ADAMTS17: variants seen among roughly 807,000 people sequenced by gnomAD.
The protein encoded by ADAMTS17 is ADAM metallopeptidase with thrombospondin type 1 motif 17.
ADAMTS17 carries 113 observed loss-of-function variants against 141.5 expected under a neutral mutation model. The observed-to-expected ratio is 0.80, with a 90% CI of 0.69 to 0.93. The LOEUF is 0.93. ADAMTS17 is among the 40% of genes least tolerant of loss of function. The probability of loss-of-function intolerance (pLI) is 0.00; values close to 1 mark genes in which losing one functional copy is unlikely to be tolerated. For synonymous variants in ADAMTS17, 768 were observed against 630.6 expected (o/e 1.22, Z -3.27); for missense variants, 1,659 against 1,517.9 (o/e 1.09, Z -1.54).
chr15:100,054,139 G>A lies in ADAMTS17; in HGVS notation c.2138-85C>T, dbSNP rs1017033484. 1.1e-5 allele frequency: 17 copies of A among 1,484,470 alleles called. No individual in the cohort carries two copies. In the Middle Eastern group the frequency reaches 5.3e-4, roughly 46 times the overall value. The allele number at this position is 1,484,470 out of a possible 1,614,324, so 92.0% of individuals were successfully genotyped here. A position where few individuals can be genotyped will look rare whatever the true frequency, so the allele number is the denominator to read the frequency against. On this transcript the variant is annotated intron_variant, in intron 15 of 21. Transcript: ENST00000268070. ...TCTTTAAACGGAATCTACAGCCCCT[G>A]AGTGGGGCAGAGGTCTCCCTTCCAC... is the stretch of plus-strand genomic sequence containing the variant.
At chr15:100,053,754 A>G in intron 16 of ADAMTS17, 143 bp downstream of exon 16, 2 of 1,195,876 alleles carry the variant, frequency 1.7e-6, no homozygotes, top group Non-Finnish European at 2.5e-6. Context: ...GAGAGGACTG[A>G]GCAGCAGGGG....
chr15:100,188,913 T>C (rs1435970307), intron 8 of ADAMTS17, among the ~76,000 whole-genome samples: 1 of 151,828 alleles, frequency 6.6e-6, no homozygotes, highest in East Asian at 1.9e-4. Flanking sequence ...AGAAACAAGA[T>C]GGAAAAAAAA....
chr15:100,128,546 T>C (rs1288925877), intron 12 of ADAMTS17: 2 of 151,980 alleles, frequency 1.3e-5, no homozygotes, highest in African/African-American at 4.8e-5. Flanking sequence ...TCCTCAATGA[T>C]AAAATACAGG....
intron 18 of ADAMTS17, among the ~76,000 whole-genome samples, chr15:100,042,624 G>T (rs1334548076): frequency 6.6e-6 from 1 of 152,094 alleles, no homozygotes; most frequent in Non-Finnish European, 1.5e-5. Context: ...TGTGCTTTGA[G>T]ACCAATATTA....
At chr15:100,104,957 C>A (rs2036325252) in intron 14 of ADAMTS17, among the ~76,000 whole-genome samples, 1 of 152,224 alleles carries the variant, frequency 6.6e-6, no homozygotes, top group Non-Finnish European at 1.5e-5. Context: ...TTAACTACGA[C>A]TAACAATTTG....
At chr15:100,093,296 AC>A (rs2035578002) in intron 15 of ADAMTS17, among the ~76,000 whole-genome samples, 1 of 152,102 alleles carries the variant, frequency 6.6e-6, no homozygotes, top group Non-Finnish European at 1.5e-5. Flanking sequence ...TGGTAAGAGG[AC>A]CCACAGGAGT....
chr15:100,233,657 G>T (rs527718128), intron 7 of ADAMTS17, among the ~76,000 whole-genome samples: 1 of 152,306 alleles, frequency 6.6e-6, no homozygotes, highest in African/African-American at 2.4e-5. Flanking sequence ...AACACGCAAT[G>T]TCCAGCAATA....
Position 100,223,817 on chromosome 15 carries a change from G to A in ADAMTS17, c.1076-24394C>T, listed in dbSNP as rs981700252. Among the ~76,000 whole-genome samples, 12 of 151,714 alleles carry A rather than the reference G, an allele frequency of 7.9e-5. 1 individual carries two copies. Among genetic ancestry groups the A allele is most frequent in the African/African-American group, 2.7e-4 (11 of 41,298 alleles). On this transcript the variant is annotated intron_variant, in intron 7 of 21. Transcript: ENST00000268070. Reference sequence around the variant, plus strand: ...TGGGTGTATATATATGTGTGTGTGTGTATATATGTGTGTATATATATGGAG... The same window carrying A: ...TGGGTGTATATATATGTGTGTGTGTATATATATGTGTGTATATATATGGAG...
At chr15:100,214,381 G>C (rs2041904978) in intron 7 of ADAMTS17, among the ~76,000 whole-genome samples, 1 of 152,174 alleles carries the variant, frequency 6.6e-6, no homozygotes, top group African/African-American at 2.4e-5. Flanking sequence ...GAATGAGCTT[G>C]TATTATAACA....
Position 100,071,476 on chromosome 15 carries a change from T to C in ADAMTS17, c.2138-17422A>G, listed in dbSNP as rs1052513567. 2.3e-4 allele frequency among the ~76,000 whole-genome samples: 35 copies of C among 150,094 alleles called. 1 individual carries two copies. The highest frequency in any genetic ancestry group is 8.4e-4 in the African/African-American group (34 of 40,548). On this transcript the variant is annotated intron_variant, in intron 15 of 21. Coordinates refer to ENST00000268070, the MANE Select transcript of ADAMTS17 (RefSeq NM_139057.4). The stretch of plus-strand genomic sequence containing the variant: ...TTAGACCAATATCCCTGATGAACAT[T>C]GATGCAAAAATCCTCAATAAAATAC...
Position 99,976,066 on chromosome 15 carries a change from T to C in ADAMTS17, c.3106A>G (p.Thr1036Ala). 2 of 1,551,070 alleles carry C rather than the reference T, an allele frequency of 1.3e-6. No individual in the cohort carries two copies. ...EVCNDRINAN[T>A]ITSPRLAALT... Reference sequence around the variant, plus strand: ...TCACCAAGGCGGGGGGAGGTGATGGTGTTGGCGTTGATCCTGTCGTTGCAG... The same window carrying C: ...TCACCAAGGCGGGGGGAGGTGATGGCGTTGGCGTTGATCCTGTCGTTGCAG... The change falls in exon 21 of 22, where the codon ACC becomes GCC. Residue 1036 changes from threonine to alanine, a missense_variant. By Grantham distance (58) the Thr-to-Ala change is moderately conservative. Transcript: ENST00000268070.
At chr15:99,995,790 A>G (rs1242218384) in intron 19 of ADAMTS17, among the ~76,000 whole-genome samples, 5 of 152,202 alleles carry the variant, frequency 3.3e-5, no homozygotes, top group Non-Finnish European at 7.3e-5. Context: ...CCCATGGGGA[A>G]TGATTTGATT....
intron 8 of ADAMTS17, among the ~76,000 whole-genome samples, chr15:100,177,821 T>C (rs990209286): frequency 2.0e-5 from 3 of 152,182 alleles, no homozygotes; most frequent in Admixed American, 6.5e-5. Context: ...TTTTGTTTCA[T>C]GTATTTTGAA....
intron 7 of ADAMTS17, among the ~76,000 whole-genome samples, chr15:100,231,660 C>G (rs892532081): frequency 2.0e-5 from 3 of 152,074 alleles, no homozygotes; most frequent in Admixed American, 2.0e-4. Flanking sequence ...CTGGTGTGTC[C>G]AAGGGTTCTC....
At chr15:100,148,507 T>C (rs551384389) in intron 10 of ADAMTS17, among the ~76,000 whole-genome samples, 2 of 151,940 alleles carry the variant, frequency 1.3e-5, no homozygotes, top group Non-Finnish European at 2.9e-5. Flanking sequence ...GGTATAGAAT[T>C]GTAGGCTGAC....
rs1013616849 is a variant in ADAMTS17 at position 99,972,263 on chromosome 15, C to G, written c.*2139G>C. ...GAGACTCTGTCTCAAAAAACAACAC[C>G]GACAACAAAAAGATGAGCTAAAAGA... On this transcript the variant is annotated 3_prime_UTR_variant, in exon 22 of 22. Coordinates refer to ENST00000268070, the MANE Select transcript of ADAMTS17 (RefSeq NM_139057.4). The G allele has an allele frequency of 6.6e-6, 1 of 152,046 alleles. No homozygotes were observed. The highest frequency in any genetic ancestry group is 1.5e-5 in the Non-Finnish European group (1 of 68,040). The allele number at this position is 152,046 out of a possible 1,614,324, so 9.4% of individuals were successfully genotyped here.
chr15:100,205,785 C>T (rs1221559273), intron 7 of ADAMTS17, among the ~76,000 whole-genome samples: 4 of 152,208 alleles, frequency 2.6e-5, no homozygotes, highest in African/African-American at 4.8e-5. Flanking sequence ...GGGGAAGCAG[C>T]CTCCAGGCCA....
intron 15 of ADAMTS17, among the ~76,000 whole-genome samples, chr15:100,095,571 C>G (rs2035707321): frequency 6.6e-6 from 1 of 152,182 alleles, no homozygotes; most frequent in Non-Finnish European, 1.5e-5. Flanking sequence ...TTCCTCCCAA[C>G]ACAAGTTCTC....
intron 7 of ADAMTS17, among the ~76,000 whole-genome samples, chr15:100,203,521 T>C (rs529725102): frequency 5.3e-4 from 81 of 152,250 alleles, no homozygotes; most frequent in African/African-American, 1.8e-3. Flanking sequence ...CTGGCTAACA[T>C]GGTGAAACCC....
Sources: gnomAD v4.1 joint callset for allele counts (sites outside exome capture counted in the v4.1 genomes callset) on GRCh38, gnomAD v4.1.1 for gene constraint, MANE v1.5 for transcripts, NCBI Gene and HGNC (gene_info 2026-07-23, HGNC 2026-07-21) for gene names.